RAD51B: variants seen among roughly 807,000 people sequenced by gnomAD.
The protein encoded by RAD51B is RAD51 paralog B, also known as DNA repair protein RAD51 homolog 2.
A neutral mutation model predicts 42.2 loss-of-function variants in RAD51B; 38 were observed. The observed-to-expected ratio is 0.90, with a 90% confidence interval of 0.70 to 1.18. The LOEUF (loss-of-function observed/expected upper bound fraction) is 1.18. Among genes scored for constraint, RAD51B ranks in the 50% most tolerant of loss-of-function variants. The pLI is 0.00. For synonymous variants in RAD51B, 154 were observed against 145.2 expected (o/e 1.06, Z -0.43); for missense variants, 373 against 400.7 (o/e 0.93, Z 0.59).
chr14:68,143,883 CT>C (rs1361784983), intron 7 of RAD51B, among the ~76,000 whole-genome samples: 1 of 152,152 alleles, frequency 6.6e-6, no homozygotes, highest in East Asian at 1.9e-4. Context: ...TTCTCACTCT[CT>C]TTCCTTGGCA....
intron 10 of RAD51B, among the ~76,000 whole-genome samples, chr14:68,515,368 G>A (rs1385736112): frequency 1.3e-5 from 2 of 151,820 alleles, no homozygotes; most frequent in Non-Finnish European, 2.9e-5. Context: ...TATGAGCAAC[G>A]GGACAAAGAT....
chr14:67,912,279 T>C (rs1392702093), intron 7 of RAD51B, among the ~76,000 whole-genome samples: 1 of 152,264 alleles, frequency 6.6e-6, no homozygotes, highest in Admixed American at 6.5e-5. Flanking sequence ...CGGAAAGGTC[T>C]TAGTTTTAAA....
At position 67,872,446 on chromosome 14, in the gene RAD51B, A is replaced by T. The variant is rs1165899858; in HGVS notation, c.452+7307A>T. The stretch of plus-strand genomic sequence containing the variant: ...GCTCAAGGAAATAAAAGAGGATACA[A>T]ACAAATGGAAGAACATTCCATGCTC... On this transcript the variant is annotated intron_variant, in intron 5 of 10. Transcript: ENST00000471583. Among the ~76,000 whole-genome samples the T allele has an allele frequency of 7.2e-3, 1,053 of 146,642 alleles. 7 individuals carry two copies. Among genetic ancestry groups the T allele is most frequent in the African/African-American group, 0.025 (989 of 39,364 alleles).
At chr14:68,026,876 G>C (rs1405627008) in intron 7 of RAD51B, among the ~76,000 whole-genome samples, 1 of 152,040 alleles carries the variant, frequency 6.6e-6, no homozygotes, top group Non-Finnish European at 1.5e-5. Context: ...TTTTGATCCT[G>C]TCATCATATT....
intron 10 of RAD51B, among the ~76,000 whole-genome samples, chr14:68,629,041 T>A (rs74059650): frequency 6.6e-6 from 1 of 152,150 alleles, no homozygotes; most frequent in Non-Finnish European, 1.5e-5. Context: ...GAGAGACGGC[T>A]GCAGGAAGGC....
intron 7 of RAD51B, among the ~76,000 whole-genome samples, chr14:68,055,438 C>T (rs2076458904): frequency 6.6e-6 from 1 of 152,122 alleles, no homozygotes; most frequent in East Asian, 1.9e-4. Flanking sequence ...ATTCTCATGT[C>T]ATATGTAAAT....
intron 10 of RAD51B, among the ~76,000 whole-genome samples, chr14:68,506,553 C>T (rs760005388): frequency 2.0e-5 from 3 of 152,182 alleles, no homozygotes; most frequent in Admixed American, 6.5e-5. Flanking sequence ...GCGTGCACGC[C>T]GGTGCACACG....
chr14:68,253,721 T>G (rs971228218), intron 7 of RAD51B, among the ~76,000 whole-genome samples: 1 of 152,260 alleles, frequency 6.6e-6, no homozygotes, highest in Admixed American at 6.5e-5. Flanking sequence ...TGCTTTACAG[T>G]AACCCCCCTG....
intron 9 of RAD51B, among the ~76,000 whole-genome samples, chr14:68,467,336 C>G (rs920117026): frequency 1.7e-4 from 26 of 152,146 alleles, no homozygotes; most frequent in African/African-American, 6.3e-4. Context: ...TCTTGCTGCA[C>G]GCACTAATGC....
chr14:67,874,616 C>G (rs543190708), intron 5 of RAD51B, among the ~76,000 whole-genome samples: 4 of 152,142 alleles, frequency 2.6e-5, no homozygotes, highest in Admixed American at 2.0e-4. Context: ...GCTATTCAGG[C>G]AAAGATCTAG....
chr14:67,980,757 G>A (rs1349141625), intron 7 of RAD51B, among the ~76,000 whole-genome samples: 1 of 152,124 alleles, frequency 6.6e-6, no homozygotes, highest in Non-Finnish European at 1.5e-5. Flanking sequence ...AGACTAAAAT[G>A]TAAAAACTAA....
chr14:67,936,543 T>G (rs1012991000), intron 7 of RAD51B, among the ~76,000 whole-genome samples: 1 of 152,244 alleles, frequency 6.6e-6, no homozygotes, highest in Non-Finnish European at 1.5e-5. Flanking sequence ...TTATGAATAA[T>G]GCAGTAATAA....
chr14:68,369,307 TTGTTGG>T (rs1330402535), intron 8 of RAD51B, among the ~76,000 whole-genome samples: 2 of 152,262 alleles, frequency 1.3e-5, no homozygotes, highest in Non-Finnish European at 2.9e-5. Flanking sequence ...CATCAGGATC[TTGTTGG>T]TGCTGTATCA....
intron 10 of RAD51B, among the ~76,000 whole-genome samples, chr14:68,484,359 C>CTTTTTTTTTTTTTT (rs10665607): frequency 1.5e-5 from 2 of 130,180 alleles, no homozygotes; most frequent in African/African-American, 6.0e-5. Context: ...CTTTCTTTTT[C>CTTTTTTTTTTTTTT]TTTTTTTTTT....
intron 10 of RAD51B, among the ~76,000 whole-genome samples, chr14:68,558,547 C>T (rs1293528755): frequency 1.3e-5 from 2 of 152,116 alleles, no homozygotes; most frequent in Admixed American, 6.5e-5. Context: ...TGGTGGTGGC[C>T]GGCACTCCTC....
At chr14:68,540,260 C>G in intron 10 of RAD51B, 9 of 1,028,374 alleles carry the variant, frequency 8.8e-6, no homozygotes, top group Non-Finnish European at 1.1e-5. Flanking sequence ...GTTCCTTGCA[C>G]CCTGTTCAAG....
intron 10 of RAD51B, among the ~76,000 whole-genome samples, chr14:68,577,221 G>A (rs978712136): frequency 1.3e-5 from 2 of 152,202 alleles, no homozygotes; most frequent in Non-Finnish European, 2.9e-5. Context: ...ATGGGTCCGG[G>A]AGAGAGTTGG....
intron 9 of RAD51B, among the ~76,000 whole-genome samples, chr14:68,453,490 A>C (rs2085608241): frequency 6.6e-6 from 1 of 152,212 alleles, no homozygotes; most frequent in Non-Finnish European, 1.5e-5. Context: ...TATATGAAAT[A>C]TATGAAGTAG....
intron 7 of RAD51B, among the ~76,000 whole-genome samples, chr14:67,946,771 G>C (rs1441887938): frequency 2.0e-5 from 3 of 152,180 alleles, no homozygotes; most frequent in Non-Finnish European, 2.9e-5. Context: ...GGTTTAAGGA[G>C]AGAAGGTATG....
Sources: gnomAD v4.1 joint callset for allele counts (sites outside exome capture counted in the v4.1 genomes callset) on GRCh38, gnomAD v4.1.1 for gene constraint, MANE v1.5 for transcripts, NCBI Gene and HGNC (gene_info 2026-07-23, HGNC 2026-07-21) for gene names.